GABRG3: variants seen among roughly 807,000 people sequenced by gnomAD.
GABRG3 encodes gamma-aminobutyric acid type A receptor subunit gamma3, also known as gamma-aminobutyric acid receptor subunit gamma-3.
Under a neutral mutation model 48.8 loss-of-function variants are expected in GABRG3, and 25 were observed. The observed-to-expected ratio is 0.51, with a 90% CI of 0.37 to 0.72. GABRG3 has a LOEUF of 0.72. Among genes scored for constraint, GABRG3 ranks in the 30% least tolerant of loss-of-function variants. The pLI is 0.00. For synonymous variants in GABRG3, 227 were observed against 217.6 expected (o/e 1.04, Z -0.38); for missense variants, 394 against 577.9 (o/e 0.68, Z 3.26).
Position 27,481,236 on chromosome 15 carries a change from A to G in GABRG3, c.712+449A>G, listed in dbSNP as rs1308622270. 5.1e-6 allele frequency: 5 copies of G among 979,260 alleles called. No homozygotes were observed. In the African/African-American group the frequency reaches 5.3e-5, roughly 10 times the overall value. The allele number at this position is 979,260 out of a possible 1,614,324, so 60.7% of individuals were successfully genotyped here. A position where few individuals can be genotyped will look rare whatever the true frequency, so the allele number is the denominator to read the frequency against. On this transcript the variant is annotated intron_variant, in intron 6 of 9. Coordinates refer to ENST00000615808, the MANE Select transcript of GABRG3 (RefSeq NM_033223.5). ...TCTTTAACTTTGAGTTTCTTTTTCA[A>G]TGATTGAAAGTAATTACCTACCAAT... is the stretch of plus-strand genomic sequence containing the variant.
At position 27,319,973 on chromosome 15, in the gene GABRG3, A is replaced by G. The variant is rs1174331978; in HGVS notation, c.271-6836A>G. Among the ~76,000 whole-genome samples the G allele has an allele frequency of 6.6e-6, 1 of 152,160 alleles. No individual in the cohort carries two copies. Among genetic ancestry groups the G allele is most frequent in the Non-Finnish European group, 1.5e-5 (1 of 68,014 alleles). ...ACAAGAAAGGAAACTGAGAAAAGGC[A>G]GGATGTCTATAGCAATGTGCAAGGG... On this transcript the variant is annotated intron_variant, in intron 3 of 9. Transcript: ENST00000615808. The surrounding 1 kb of genome is among the most constrained non-coding windows in gnomAD (Gnocchi z 4.4).
chr15:27,300,605 C>T (rs572022988), intron 3 of GABRG3, among the ~76,000 whole-genome samples: 11 of 146,504 alleles, frequency 7.5e-5, no homozygotes, highest in South Asian at 2.2e-4. Flanking sequence ...TGCAATGAGC[C>T]GAGATCACGC....
At chr15:27,146,902 TAAATAGCA>T (rs1297455083) in intron 3 of GABRG3, among the ~76,000 whole-genome samples, 1 of 151,926 alleles carries the variant, frequency 6.6e-6, no homozygotes, top group East Asian at 1.9e-4. Flanking sequence ...TAATATATAA[TAAATAGCA>T]AAATGCAGAT....
chr15:27,179,893 GCCC>G lies in GABRG3; in HGVS notation c.271-146915_271-146913del, dbSNP rs555369049. Among the ~76,000 whole-genome samples, 39 of 152,310 alleles carry G rather than the reference GCCC, an allele frequency of 2.6e-4. 1 individual carries two copies. In the South Asian group the frequency reaches 7.9e-3, roughly 31 times the overall value. ...TGCATAAAATAAGCTGAATGTTTGT[GCCC>G]TGTTACCAGATTGTTCTCTTGATTC... is the stretch of plus-strand genomic sequence containing the variant. On this transcript the variant is annotated intron_variant, in intron 3 of 9. Transcript: ENST00000615808. The surrounding 1 kb of genome is among the most constrained non-coding windows in gnomAD (Gnocchi z 4.0).
Position 27,101,113 on chromosome 15 carries a change from T to A in GABRG3, c.270+74292T>A, listed in dbSNP as rs963335692. Among the ~76,000 whole-genome samples the A allele has an allele frequency of 9.8e-5, 15 of 152,350 alleles. No individual in the cohort carries two copies. The East Asian group carries it at 2.9e-3, about 29-fold the overall frequency. ...TAGGACTTGTGAGTTCAGCAAGGTCTCTGGATAAAAGATTATCACCCAAAT... is the reference window on the plus strand; with the variant it reads ...TAGGACTTGTGAGTTCAGCAAGGTCACTGGATAAAAGATTATCACCCAAAT... On this transcript the variant is annotated intron_variant, in intron 3 of 9. Coordinates refer to ENST00000615808, the MANE Select transcript of GABRG3 (RefSeq NM_033223.5).
intron 3 of GABRG3, among the ~76,000 whole-genome samples, chr15:27,097,868 A>G (rs2140763213): frequency 6.6e-6 from 1 of 152,304 alleles, no homozygotes; most frequent in South Asian, 2.1e-4. Flanking sequence ...TATCTATGAT[A>G]AATGACATTA....
chr15:27,528,757 C>A (rs1200363775), intron 9 of GABRG3, among the ~76,000 whole-genome samples: 1 of 152,044 alleles, frequency 6.6e-6, no homozygotes, highest in Non-Finnish European at 1.5e-5. Flanking sequence ...TTGGGAATTG[C>A]TTTTAAATAT....
rs76940350 is a variant in GABRG3 at position 26,985,023 on chromosome 15, G to C, written c.202+7873G>C. 6.8e-4 allele frequency among the ~76,000 whole-genome samples: 104 copies of C among 152,288 alleles called. No homozygotes were observed. The East Asian group carries it at 0.015, about 23-fold the overall frequency. On this transcript the variant is annotated intron_variant, in intron 2 of 9. Transcript: ENST00000615808. ...TTTGCATATCTGAACTTCTGTTCCA[G>C]GCTTTTCTAAAATGTATTTTCCCAG...
intron 5 of GABRG3, among the ~76,000 whole-genome samples, chr15:27,343,796 C>T (rs1894271986): frequency 6.6e-6 from 1 of 152,198 alleles, no homozygotes; most frequent in East Asian, 1.9e-4. Context: ...AGTTGAGGCA[C>T]ATTCTAGACT....
chr15:27,521,488 A>C, intron 7 of GABRG3, among the ~76,000 whole-genome samples: 1 of 152,136 alleles, frequency 6.6e-6, no homozygotes, highest in East Asian at 1.9e-4. Flanking sequence ...AACTTATTAG[A>C]CATTCTAAGA....
At chr15:27,458,780 G>C (rs1360471844) in intron 5 of GABRG3, among the ~76,000 whole-genome samples, 15 of 152,218 alleles carry the variant, frequency 9.9e-5, no homozygotes, top group Admixed American at 9.8e-4. Context: ...AATGGCTGCA[G>C]GTTACTACAG....
chr15:27,525,402 C>G (rs900482557), intron 7 of GABRG3, among the ~76,000 whole-genome samples: 1 of 152,130 alleles, frequency 6.6e-6, no homozygotes, highest in African/African-American at 2.4e-5. Flanking sequence ...TTGTGCTTTC[C>G]CCAAAGAGGA....
In GABRG3 at chr15:27,037,431, G is replaced by A. The variant is rs151221807; in HGVS notation, c.270+10610G>A. On this transcript the variant is annotated intron_variant, in intron 3 of 9. Transcript: ENST00000615808. ...AGGGTCGACTGGCTAAGTTAGGTCA[G>A]AGGCACTCTGTCTTATAGACTAAGA... is the stretch of plus-strand genomic sequence containing the variant. 5.2e-3 allele frequency among the ~76,000 whole-genome samples: 792 copies of A among 152,348 alleles called. 2 individuals are homozygous for A. The highest frequency in any genetic ancestry group is 0.018 in the African/African-American group (759 of 41,580).
At chr15:27,091,798 G>A (rs2140755678) in intron 3 of GABRG3, among the ~76,000 whole-genome samples, 1 of 152,264 alleles carries the variant, frequency 6.6e-6, no homozygotes, top group South Asian at 2.1e-4. Context: ...GGGAAACTCG[G>A]CCTGCCCTAT....
At chr15:27,120,274 C>A (rs554627336) in intron 3 of GABRG3, among the ~76,000 whole-genome samples, 1 of 152,354 alleles carries the variant, frequency 6.6e-6, no homozygotes, top group South Asian at 2.1e-4. Context: ...TGCTACTCAT[C>A]TCATCACAAT....
At chr15:27,439,734 C>T (rs1888726220) in intron 5 of GABRG3, among the ~76,000 whole-genome samples, 1 of 152,214 alleles carries the variant, frequency 6.6e-6, no homozygotes, top group Non-Finnish European at 1.5e-5. Context: ...ATCATAGCTG[C>T]AGGCACGTTC....
intron 5 of GABRG3, among the ~76,000 whole-genome samples, chr15:27,384,152 T>C (rs1013355293): frequency 6.6e-6 from 1 of 152,226 alleles, no homozygotes; most frequent in African/African-American, 2.4e-5. Context: ...ACGCGCCTAG[T>C]AGTGACTATA....
chr15:27,417,874 C>T (rs1887989267), intron 5 of GABRG3, among the ~76,000 whole-genome samples: 1 of 152,250 alleles, frequency 6.6e-6, no homozygotes, highest in Non-Finnish European at 1.5e-5. Flanking sequence ...GCCATCTCTC[C>T]ATCTCCTAGT....
At chr15:27,432,926 G>A (rs961409856) in intron 5 of GABRG3, among the ~76,000 whole-genome samples, 2 of 152,296 alleles carry the variant, frequency 1.3e-5, no homozygotes, top group African/African-American at 4.8e-5. Flanking sequence ...TCCTGCCACT[G>A]TACAGCAAGA....
Sources: allele counts gnomAD v4.1 joint callset (sites outside exome capture counted in the v4.1 genomes callset), GRCh38; gene constraint gnomAD v4.1.1; non-coding constraint Gnocchi (gnomAD v3.1); transcripts MANE v1.5; gene names NCBI Gene and HGNC (gene_info 2026-07-23, HGNC 2026-07-21).